RADIL: variants seen among roughly 807,000 people sequenced by gnomAD.
The protein encoded by RADIL is Rap associating with DIL domain, also known as ras-associating and dilute domain-containing protein.
RADIL carries 99 observed loss-of-function variants against 97.6 expected under a neutral mutation model. The observed-to-expected ratio is 1.01, with a 90% CI of 0.86 to 1.20. The LOEUF (loss-of-function observed/expected upper bound fraction) is 1.20, where lower values mean the gene tolerates loss of function less well. Among genes scored for constraint, RADIL ranks in the 50% most tolerant of loss-of-function variants. RADIL has a pLI of 0.00. For synonymous variants in RADIL, 803 were observed against 691.8 expected (o/e 1.16, Z -2.52); for missense variants, 1,765 against 1,498.9 (o/e 1.18, Z -2.93).
intron 11 of RADIL, 46 bp downstream of exon 11, chr7:4,803,500 C>T (rs746405855): frequency 1.0e-5 from 15 of 1,459,796 alleles, no homozygotes; most frequent in African/African-American, 5.7e-5. Context: ...GTCCCCTCCC[C>T]GGGCACCTCG....
chr7:4,809,017 C>T (rs1782453404), intron 9 of RADIL: 2 of 499,774 alleles, frequency 4.0e-6, no homozygotes, highest in Non-Finnish European at 4.7e-6. Flanking sequence ...GACGCCACTG[C>T]CCCCCCTTGT....
In RADIL at chr7:4,873,511, G is replaced by T. The variant is rs1784301374; in HGVS notation, c.535+4094C>A. On this transcript the variant is annotated intron_variant, in intron 2 of 14. Transcript: ENST00000399583. This position sits in a 1 kb window ranked among gnomAD's most constrained non-coding sequence, Gnocchi z 4.3. ...GACAGCCCCACGCTGGGTCCTCTTGGGAGAGAATGCAGGAGCTGAAGGGGC... is the reference window on the plus strand; with the variant it reads ...GACAGCCCCACGCTGGGTCCTCTTGTGAGAGAATGCAGGAGCTGAAGGGGC... Among the ~76,000 whole-genome samples, 1 of 152,214 alleles carries T rather than the reference G, an allele frequency of 6.6e-6. No homozygotes were observed. The highest frequency in any genetic ancestry group is 1.5e-5 in the Non-Finnish European group (1 of 68,032).
rs935770947 is a variant in RADIL, at chr7:4,799,127, T to C, written c.*251A>G. ...CTCTAAGAACGGGAAAAATAGTTTATTGAACCGTACTTCTCCATTGAAGTC... is the reference window on the plus strand; with the variant it reads ...CTCTAAGAACGGGAAAAATAGTTTACTGAACCGTACTTCTCCATTGAAGTC... On this transcript the variant is annotated 3_prime_UTR_variant, in exon 15 of 15. Transcript: ENST00000399583. 4.0e-6 allele frequency: 2 copies of C among 503,486 alleles called. No individual in the cohort carries two copies. The highest frequency in any genetic ancestry group is 2.3e-5 in the South Asian group (1 of 43,068). 31.2% of individuals were successfully genotyped at this position (503,486 alleles called of 1,614,324 possible).
In RADIL at chr7:4,834,978, G is replaced by C; in HGVS notation, c.1045C>G (p.Leu349Val). The C allele has an allele frequency of 1.2e-6, 2 of 1,610,832 alleles. No homozygotes were observed. The highest frequency in any genetic ancestry group is 2.7e-5 in the African/African-American group (2 of 75,020). Residue 349 changes from leucine (L) to valine (V), a missense_variant, in exon 4 of 15, where the codon CTC (leucine) becomes GTC (valine). Leu to Val is a conservative substitution (Grantham distance 32). Coordinates refer to ENST00000399583, the MANE Select transcript of RADIL (RefSeq NM_018059.5). The surrounding 1 kb of genome is among the most constrained non-coding windows in gnomAD (Gnocchi z 6.0). ...TCCTTGAATAGCAGCAGGTAGTAGAGCCCCAGGGAGAGCAGGTCCCCGTGG... is the reference window on the plus strand; with the variant it reads ...TCCTTGAATAGCAGCAGGTAGTAGACCCCCAGGGAGAGCAGGTCCCCGTGG... ...LHHGDLLSLG[L>V]YYLLLFKDPA...
chr7:4,829,649 C>A (rs991115462), intron 5 of RADIL, among the ~76,000 whole-genome samples: 1 of 152,030 alleles, frequency 6.6e-6, no homozygotes, highest in Non-Finnish European at 1.5e-5. Flanking sequence ...GGGAGGGACG[C>A]GGTGGGTGGT....
In RADIL at chr7:4,805,662, G is replaced by A. The variant is rs1459512835; in HGVS notation, c.2194C>T (p.His732Tyr). ...AGCTGGTAGTGAGTCAGCAGCCGGT[G>A]CAGCTGTGCTGGGCTCAGTGCGGGG... ...AFPALSPAQL[H>Y]RLLTHYQLAS... Residue 732 changes from histidine to tyrosine, a missense_variant, in exon 10 of 15, where the codon CAC becomes TAC. Coordinates refer to ENST00000399583, the MANE Select transcript of RADIL (RefSeq NM_018059.5). 4 of 1,611,870 alleles carry A rather than the reference G, an allele frequency of 2.5e-6. No homozygotes were observed. Among genetic ancestry groups the A allele is most frequent in the East Asian group, 4.5e-5 (2 of 44,870 alleles).
chr7:4,834,713 G>A lies in RADIL; in HGVS notation c.1310C>T (p.Ala437Val), dbSNP rs756661080. ...PGGDDHKLTP[A>V]FLLCLCIQHS... ...CTGGATGCAGAGGCACAGGAGGAAG[G>A]CGGGGGTCAGCTTGTGGTCGTCGCC... is the stretch of plus-strand genomic sequence containing the variant. Residue 437 changes from alanine to valine, a missense_variant, in exon 4 of 15, where the codon GCC becomes GTC. Transcript: ENST00000399583. The surrounding 1 kb of genome is among the most constrained non-coding windows in gnomAD (Gnocchi z 6.0). 1 of 1,411,094 alleles carries A rather than the reference G, an allele frequency of 7.1e-7. No homozygotes were observed. The highest frequency in any genetic ancestry group is 1.8e-5 in the South Asian group (1 of 55,196). 87.4% of individuals were successfully genotyped at this position (1,411,094 alleles called of 1,614,324 possible).
intron 11 of RADIL, among the ~76,000 whole-genome samples, chr7:4,803,086 C>T (rs1327129776): frequency 4.3e-5 from 3 of 69,556 alleles, no homozygotes; most frequent in Admixed American, 3.3e-4. Flanking sequence ...GTCCCCTCCC[C>T]GGGCACCTCG....
chr7:4,860,804 A>G (rs777204378), intron 2 of RADIL: 1 of 1,614,112 alleles, frequency 6.2e-7, no homozygotes, highest in Non-Finnish European at 8.5e-7. Context: ...AATCATGACC[A>G]TCCTGGTTGA....
rs1020816416 is a variant in RADIL, at chr7:4,818,340, G to A, written c.1616-989C>T. 6.6e-6 allele frequency among the ~76,000 whole-genome samples: 1 copy of A among 152,180 alleles called. No individual in the cohort carries two copies. The highest frequency in any genetic ancestry group is 2.4e-5 in the African/African-American group (1 of 41,454). On this transcript the variant is annotated intron_variant, in intron 6 of 14. Transcript: ENST00000399583. This position sits in a 1 kb window ranked among gnomAD's most constrained non-coding sequence, Gnocchi z 7.1. ...CTGCACCGGAGGCCGGCCCACTCAT[G>A]GCCAGGACAATGGTGCGCCAAGCCC...
intron 4 of RADIL, among the ~76,000 whole-genome samples, chr7:4,833,482 G>A (rs779715456): frequency 9.9e-5 from 15 of 152,260 alleles, no homozygotes; most frequent in Middle Eastern, 6.8e-3. Context: ...ATCCCAAGCC[G>A]GGAACCCGAG....
chr7:4,847,760 A>C (rs1031688834), intron 2 of RADIL, among the ~76,000 whole-genome samples: 3 of 150,550 alleles, frequency 2.0e-5, no homozygotes, highest in East Asian at 1.9e-4. Flanking sequence ...AAAAAAAAAA[A>C]AAAAAACACA....
In RADIL at chr7:4,878,206, G is replaced by C. The variant is rs1784413715; in HGVS notation, c.-64-3C>G. On this transcript the variant is annotated splice_polypyrimidine_tract_variant and splice_region_variant and intron_variant, in intron 1 of 14. Coordinates refer to ENST00000399583, the MANE Select transcript of RADIL (RefSeq NM_018059.5). This position sits in a 1 kb window ranked among gnomAD's most constrained non-coding sequence, Gnocchi z 4.1. Reference sequence around the variant, plus strand: ...AAAGGATGTGGGGAGGCCGTGACCTGGGTGAAAAAGTGAGAGAGGTTAGCG... The same window carrying C: ...AAAGGATGTGGGGAGGCCGTGACCTCGGTGAAAAAGTGAGAGAGGTTAGCG... 2 of 1,429,666 alleles carry C rather than the reference G, an allele frequency of 1.4e-6. No homozygotes were observed. The highest frequency in any genetic ancestry group is 1.8e-6 in the Non-Finnish European group (2 of 1,085,210). 88.6% of individuals were successfully genotyped at this position (1,429,666 alleles called of 1,614,324 possible).
In RADIL at chr7:4,814,343, G is replaced by T. The variant is rs1583274829; in HGVS notation, c.2139+935C>A. Among the ~76,000 whole-genome samples, 3 of 152,126 alleles carry T rather than the reference G, an allele frequency of 2.0e-5. No individual in the cohort carries two copies. In the South Asian group the frequency reaches 6.2e-4, roughly 32 times the overall value. Reference sequence around the variant, plus strand: ...TTCACTTTTTTTTTCTTTTGAGACAGGGCCTCACTTTGTCGCTCAAGGTGG... The same window carrying T: ...TTCACTTTTTTTTTCTTTTGAGACATGGCCTCACTTTGTCGCTCAAGGTGG... On this transcript the variant is annotated intron_variant, in intron 9 of 14. Coordinates refer to ENST00000399583, the MANE Select transcript of RADIL (RefSeq NM_018059.5). This position sits in a 1 kb window ranked among gnomAD's most constrained non-coding sequence, Gnocchi z 4.5.
rs1013260581 is a variant in RADIL, at chr7:4,835,728, G to A, written c.784-489C>T. Among the ~76,000 whole-genome samples, 6 of 151,694 alleles carry A rather than the reference G, an allele frequency of 4.0e-5. No homozygotes were observed. Among genetic ancestry groups the A allele is most frequent in the Non-Finnish European group, 7.4e-5 (5 of 67,924 alleles). On this transcript the variant is annotated intron_variant, in intron 3 of 14. Coordinates refer to ENST00000399583, the MANE Select transcript of RADIL (RefSeq NM_018059.5). This position sits in a 1 kb window ranked among gnomAD's most constrained non-coding sequence, Gnocchi z 5.8. ...GCCCTATGGCTGTAAAGTGCTCATG[G>A]AAATGAGCAGCAAAGGAGCTGGCTG...
chr7:4,852,143 T>G (rs1783724391), intron 2 of RADIL, among the ~76,000 whole-genome samples: 1 of 151,986 alleles, frequency 6.6e-6, no homozygotes, highest in Admixed American at 6.6e-5. Context: ...CTTCAGAAAA[T>G]TATACCAGCA....
intron 5 of RADIL, among the ~76,000 whole-genome samples, chr7:4,827,441 C>T (rs1783020148): frequency 1.3e-5 from 2 of 151,548 alleles, no homozygotes; most frequent in Admixed American, 1.3e-4. Flanking sequence ...GGGCGGGTCA[C>T]CAGAGGTCAG....
Position 4,798,154 on chromosome 7 carries a change from T to C in RADIL, c.*1224A>G, listed in dbSNP as rs1243704152. On this transcript the variant is annotated 3_prime_UTR_variant, in exon 15 of 15. Transcript: ENST00000399583. ...TACAAACACTATATATATATATATA[T>C]TTTATCCAGTATTTTGGGAACCTGG... 6.7e-6 allele frequency: 1 copy of C among 149,924 alleles called. No individual in the cohort carries two copies. Among genetic ancestry groups the C allele is most frequent in the Non-Finnish European group, 1.5e-5 (1 of 67,636 alleles). 9.3% of individuals were successfully genotyped at this position (149,924 alleles called of 1,614,324 possible).
rs926912846 is a variant in RADIL at position 4,799,125 on chromosome 7, T to C, written c.*253A>G. 2.0e-6 allele frequency: 1 copy of C among 497,782 alleles called. No homozygotes were observed. 30.8% of individuals were successfully genotyped at this position (497,782 alleles called of 1,614,324 possible). A position where few individuals can be genotyped will look rare whatever the true frequency, so the allele number is the denominator to read the frequency against. On this transcript the variant is annotated 3_prime_UTR_variant, in exon 15 of 15. Transcript: ENST00000399583. ...CCCTCTAAGAACGGGAAAAATAGTTTATTGAACCGTACTTCTCCATTGAAG... is the reference window on the plus strand; with the variant it reads ...CCCTCTAAGAACGGGAAAAATAGTTCATTGAACCGTACTTCTCCATTGAAG...
Sources: allele counts gnomAD v4.1 joint callset (sites outside exome capture counted in the v4.1 genomes callset), GRCh38; gene constraint gnomAD v4.1.1; non-coding constraint Gnocchi (gnomAD v3.1); transcripts MANE v1.5; gene names NCBI Gene and HGNC (gene_info 2026-07-23, HGNC 2026-07-21).